SERPINE2: variants seen among roughly 807,000 people sequenced by gnomAD.
SERPINE2 encodes glia-derived nexin.
Under a neutral mutation model 36.3 loss-of-function variants are expected in SERPINE2, and 14 were observed. The observed-to-expected ratio is 0.39, with a 90% CI of 0.25 to 0.60. SERPINE2 has a LOEUF of 0.60. Ranked by LOEUF, SERPINE2 falls within the 20% of genes least tolerant of loss-of-function variation. SERPINE2 has a pLI of 0.57. For synonymous variants in SERPINE2, 192 were observed against 191.8 expected, an observed-to-expected ratio of 1.00 and a Z score of -0.01; for missense variants, 418 against 499.6, an observed-to-expected ratio of 0.84 and a Z score of 1.56.
At chr2:224,006,924 C>T (rs1225902840) in intron 1 of SERPINE2, among the ~76,000 whole-genome samples, 1 of 152,166 alleles carries the variant, frequency 6.6e-6, no homozygotes, top group African/African-American at 2.4e-5. Context: ...CCCGCTGCTC[C>T]CTGCTGCCTC....
At chr2:224,005,093 AT>A (rs1559209250) in intron 1 of SERPINE2, among the ~76,000 whole-genome samples, 3 of 125,272 alleles carry the variant, frequency 2.4e-5, no homozygotes, top group African/African-American at 1.0e-4. Context: ...ATATATATAT[AT>A]ATAAAACATT....
chr2:223,986,855 C>T (rs1313637462), intron 4 of SERPINE2, among the ~76,000 whole-genome samples: 2 of 152,120 alleles, frequency 1.3e-5, no homozygotes, highest in Non-Finnish European at 2.9e-5. Context: ...TGATTTCCCC[C>T]CACTCCTTCT....
intron 1 of SERPINE2, among the ~76,000 whole-genome samples, chr2:224,009,184 C>A (rs1282190575): frequency 6.6e-6 from 1 of 152,144 alleles, no homozygotes; most frequent in East Asian, 1.9e-4. Context: ...ATCTCAGCCT[C>A]TCCCCTCCCC....
chr2:224,015,166 G>C (rs1691758116), intron 1 of SERPINE2, among the ~76,000 whole-genome samples: 1 of 152,220 alleles, frequency 6.6e-6, no homozygotes. Context: ...CCAGCGAAAT[G>C]TCAGTAGTGC....
intron 5 of SERPINE2, among the ~76,000 whole-genome samples, chr2:223,983,237 C>T (rs753806126): frequency 6.6e-6 from 1 of 152,166 alleles, no homozygotes; most frequent in Non-Finnish European, 1.5e-5. Flanking sequence ...AGAGGAGAAA[C>T]ATTCCTGATA....
At chr2:224,002,926 T>C (rs1194407300) in intron 1 of SERPINE2, among the ~76,000 whole-genome samples, 3 of 152,158 alleles carry the variant, frequency 2.0e-5, no homozygotes, top group Non-Finnish European at 4.4e-5. Flanking sequence ...TCACCCGCAC[T>C]GAGCTTACAA....
intron 1 of SERPINE2, among the ~76,000 whole-genome samples, chr2:224,008,072 G>A (rs1053847594): frequency 6.6e-6 from 1 of 152,320 alleles, no homozygotes; most frequent in East Asian, 1.9e-4. Flanking sequence ...GGCCCTCTAC[G>A]TGAAAAGCCT....
At chr2:223,992,680 T>C (rs1690723161) in intron 3 of SERPINE2, among the ~76,000 whole-genome samples, 1 of 152,222 alleles carries the variant, frequency 6.6e-6, no homozygotes, top group South Asian at 2.1e-4. Context: ...ATTTTGAATG[T>C]TCCCACCATA....
rs1421214184 is a variant in SERPINE2, at chr2:224,005,076, T to A, written c.-22-3154A>T. Among the ~76,000 whole-genome samples, 143 of 33,688 alleles carry A rather than the reference T, an allele frequency of 4.2e-3. 5 individuals are homozygous for A. The highest frequency in any genetic ancestry group is 9.3e-3 in the African/African-American group (131 of 14,068). 22.1% of individuals were successfully genotyped at this position (33,688 alleles called of 152,430 possible). ...ATATTTTATATATATTATATATATATATATATATATATATATATATAAAAC... is the reference window on the plus strand; with the variant it reads ...ATATTTTATATATATTATATATATAAATATATATATATATATATATAAAAC... On this transcript the variant is annotated intron_variant, in intron 1 of 8. Coordinates refer to ENST00000409304, the MANE Select transcript of SERPINE2 (RefSeq NM_001136528.2).
intron 7 of SERPINE2, chr2:223,979,131 G>C (rs1690124431): frequency 6.6e-6 from 1 of 152,218 alleles, no homozygotes; most frequent in African/African-American, 2.4e-5. Context: ...TGGCAGCCCA[G>C]GCGGACTAAG....
At chr2:223,987,032 A>T (rs1690461664) in intron 4 of SERPINE2, among the ~76,000 whole-genome samples, 1 of 152,114 alleles carries the variant, frequency 6.6e-6, no homozygotes, top group Non-Finnish European at 1.5e-5. Flanking sequence ...ACACGTGCCA[A>T]AGCCACGAGA....
At chr2:224,014,056 C>G (rs1445323268) in intron 1 of SERPINE2, 1 of 152,260 alleles carries the variant, frequency 6.6e-6, no homozygotes, top group African/African-American at 2.4e-5. Flanking sequence ...CTTCCTCTCC[C>G]AAATAGAGAA....
chr2:224,004,074 T>A (rs1259481032), intron 1 of SERPINE2, among the ~76,000 whole-genome samples: 1 of 152,228 alleles, frequency 6.6e-6, no homozygotes, highest in East Asian at 1.9e-4. Context: ...GTGAGATTAA[T>A]CCGATGGCTC....
At chr2:224,028,778 T>C (rs1692268464) in intron 1 of SERPINE2, among the ~76,000 whole-genome samples, 1 of 152,242 alleles carries the variant, frequency 6.6e-6, no homozygotes, top group African/African-American at 2.4e-5. Flanking sequence ...GAAGTACTTT[T>C]TGGGCTCCTC....
In SERPINE2 at chr2:223,984,822, T is replaced by G. The variant is rs776882947; in HGVS notation, c.814A>C (p.Ile272Leu). ...STPLSAIIPH[I>L]STKTIDSWMS... ...CAGCTGTCTATGGTCTTGGTGCTGA[T>G]GTGTGGGATGATGGCAGACAGCGGA... is the stretch of plus-strand genomic sequence containing the variant. The change falls in exon 5 of 9, where the codon ATC becomes CTC. Residue 272 changes from isoleucine to leucine, a missense_variant. Transcript: ENST00000409304. 4 of 1,614,030 alleles carry G rather than the reference T, an allele frequency of 2.5e-6. No homozygotes were observed. In the Admixed American group the frequency reaches 6.7e-5, roughly 27 times the overall value.
At position 223,980,108 on chromosome 2, in the gene SERPINE2, CT is replaced by C. The variant is rs747395735; in HGVS notation, c.1072+202del. 24 of 479,142 alleles carry C rather than the reference CT, an allele frequency of 5.0e-5. No homozygotes were observed. In the East Asian group the frequency reaches 7.8e-4, roughly 15 times the overall value. 29.7% of individuals were successfully genotyped at this position (479,142 alleles called of 1,614,324 possible). A position where few individuals can be genotyped will look rare whatever the true frequency, so the allele number is the denominator to read the frequency against. On this transcript the variant is annotated intron_variant, in intron 7 of 8. Coordinates refer to ENST00000409304, the MANE Select transcript of SERPINE2 (RefSeq NM_001136528.2). ...TAGAGGAATTTCTCTCACTGAAATG[CT>C]TTTCTTTAATGAAACAGATTCTGAG...
intron 1 of SERPINE2, among the ~76,000 whole-genome samples, chr2:224,002,772 G>A (rs1273786731): frequency 2.0e-5 from 3 of 151,380 alleles, no homozygotes; most frequent in African/African-American, 7.3e-5. Flanking sequence ...GATTACAGGC[G>A]TGAGCCACCA....
At position 224,023,220 on chromosome 2, in the gene SERPINE2, C is replaced by T. The variant is rs1353655595; in HGVS notation, c.-23+15879G>A. ...GTCAGAGGACCCTCTTGTTATTTAT[C>T]CGTCTCTTGTGAGTCTGGTAATTGT... On this transcript the variant is annotated intron_variant, in intron 1 of 8. Transcript: ENST00000409304. Among the ~76,000 whole-genome samples, 3 of 152,194 alleles carry T rather than the reference C, an allele frequency of 2.0e-5. No homozygotes were observed. The East Asian group carries it at 5.8e-4, about 29-fold the overall frequency.
In SERPINE2 at chr2:224,018,952, C is replaced by A. The variant is rs932075121; in HGVS notation, c.-22-17030G>T. ...CTCTGCCTGCACTGCCCCAGTGACTCTAAAATCTGAGTCAATCCCTATGAT... is the reference window on the plus strand; with the variant it reads ...CTCTGCCTGCACTGCCCCAGTGACTATAAAATCTGAGTCAATCCCTATGAT... On this transcript the variant is annotated intron_variant, in intron 1 of 8. Coordinates refer to ENST00000409304, the MANE Select transcript of SERPINE2 (RefSeq NM_001136528.2). Among the ~76,000 whole-genome samples, 10 of 152,318 alleles carry A rather than the reference C, an allele frequency of 6.6e-5. No homozygotes were observed. The South Asian group carries it at 2.1e-3, about 32-fold the overall frequency.
Sources: allele counts gnomAD v4.1 joint callset (sites outside exome capture counted in the v4.1 genomes callset), GRCh38; gene constraint gnomAD v4.1.1; transcripts MANE v1.5; gene names NCBI Gene and HGNC (gene_info 2026-07-23, HGNC 2026-07-21).